SYNE2: variants seen among roughly 807,000 people sequenced by gnomAD.
The protein encoded by SYNE2 is nesprin-2.
In SYNE2, 431 loss-of-function variants were observed where a neutral mutation model predicts 856.3. That is an observed-to-expected ratio of 0.50 (90% CI 0.47 to 0.55). SYNE2 has a LOEUF of 0.55. SYNE2 is among the 20% of genes least tolerant of loss of function. SYNE2 has a pLI of 0.00. For synonymous variants in SYNE2, 2,923 were observed against 2,872.3 expected, an observed-to-expected ratio of 1.02 and a Z score of -0.56; for missense variants, 8,129 against 8,023.2, an observed-to-expected ratio of 1.01 and a Z score of -0.50.
intron 1 of SYNE2, among the ~76,000 whole-genome samples, chr14:63,903,982 C>A (rs1447648424): frequency 6.6e-6 from 1 of 152,116 alleles, no homozygotes; most frequent in Admixed American, 6.6e-5. Flanking sequence ...CCTCCCTTCA[C>A]CCCTCTGGAA....
In SYNE2 at chr14:64,137,865, G is replaced by A; in HGVS notation, c.14725G>A (p.Val4909Met). 6.2e-7 allele frequency: 1 copy of A among 1,614,230 alleles called. No homozygotes were observed. Among genetic ancestry groups the A allele is most frequent in the South Asian group, 1.1e-5 (1 of 91,086 alleles). Reference protein sequence around the residue: ...LNEGKQLVASVSCPELEGQIA... With the variant: ...LNEGKQLVASMSCPELEGQIA... ...CGAAGGCAAACAGTTGGTGGCGTCTGTGAGCTGTCCTGAATTAGAGGGCCA... is the reference window on the plus strand; with the variant it reads ...CGAAGGCAAACAGTTGGTGGCGTCTATGAGCTGTCCTGAATTAGAGGGCCA... The change falls in exon 79 of 116, where the codon GTG becomes ATG. Residue 4909 changes from valine (V) to methionine (M), a missense_variant. Val to Met is a conservative substitution (Grantham distance 21). This residue lies in a region of SYNE2 where 5,410 missense variants were observed against 5,284.8 expected (regional missense o/e 1.02). Transcript: ENST00000555002.
rs11334415 is a variant in SYNE2 at position 63,827,625 on chromosome 14, CAAAAAAAA to C, written c.-304-24852_-304-24845del. Among the ~76,000 whole-genome samples the C allele has an allele frequency of 8.8e-4, 25 of 28,402 alleles. No individual in the cohort carries two copies. The South Asian group carries it at 0.015, about 17-fold the overall frequency. The allele number at this position is 28,402 out of a possible 152,430, so 18.6% of individuals were successfully genotyped here. Reference sequence around the variant, plus strand: ...GGGCAACAAGATTGAAACTCTGTCTCAAAAAAAAAAAAAAAAAAAAAAAAAAAAAAAGA... The same window carrying C: ...GGGCAACAAGATTGAAACTCTGTCTCAAAAAAAAAAAAAAAAAAAAAAAGA... On this transcript the variant is annotated intron_variant, in intron 1 of 23. Transcript: ENST00000674003.
intron 1 of SYNE2, among the ~76,000 whole-genome samples, chr14:63,815,426 G>C (rs1458913516): frequency 6.6e-6 from 1 of 151,736 alleles, no homozygotes; most frequent in Non-Finnish European, 1.5e-5. Flanking sequence ...TAGGCTAGGA[G>C]GCTAGGCCAG....
intron 111 of SYNE2, among the ~76,000 whole-genome samples, chr14:64,221,363 C>T (rs958293811): frequency 1.3e-5 from 2 of 152,204 alleles, no homozygotes; most frequent in Non-Finnish European, 2.9e-5. Context: ...CACTTTTATT[C>T]GCGGCCTCCT....
At chr14:63,942,920 C>A (rs189507042) in intron 6 of SYNE2, among the ~76,000 whole-genome samples, 1 of 152,124 alleles carries the variant, frequency 6.6e-6, no homozygotes, top group Non-Finnish European at 1.5e-5. Flanking sequence ...CATGAGCCAC[C>A]GTGCCTGTCC....
chr14:64,180,704 A>AT (rs1296088713), intron 96 of SYNE2, among the ~76,000 whole-genome samples: 1 of 152,132 alleles, frequency 6.6e-6, no homozygotes, highest in Non-Finnish European at 1.5e-5. Context: ...GGGTTTCACC[A>AT]TGTTGGCCAG....
chr14:64,020,100 ATT>A lies in SYNE2; in HGVS notation c.5151+11_5151+12del. On this transcript the variant is annotated splice_region_variant and intron_variant, in intron 35 of 115. Transcript: ENST00000555002. ...AATACCTCTTGAATTGCAGGTAAGA[ATT>A]TTTATTTAAAAGTTTCAGTTATTGA... 1 of 1,592,436 alleles carries A rather than the reference ATT, an allele frequency of 6.3e-7. No individual in the cohort carries two copies. Among genetic ancestry groups the A allele is most frequent in the Non-Finnish European group, 8.6e-7 (1 of 1,161,700 alleles).
intron 96 of SYNE2, among the ~76,000 whole-genome samples, chr14:64,181,981 A>G (rs2098460212): frequency 1.3e-5 from 2 of 152,210 alleles, no homozygotes; most frequent in Admixed American, 1.3e-4. Flanking sequence ...CACAGAAGCA[A>G]TCAATGTTAC....
At position 63,906,044 on chromosome 14, in the gene SYNE2, T is replaced by G. The variant is rs1045140104; in HGVS notation, c.-51-3054T>G. 2.0e-5 allele frequency among the ~76,000 whole-genome samples: 3 copies of G among 152,200 alleles called. No individual in the cohort carries two copies. The East Asian group carries it at 5.8e-4, about 29-fold the overall frequency. ...TGTTGGATTATATAAAAAGTTTTTCTGTGTCTATTGAGATGACATATGGTT... is the reference window on the plus strand; with the variant it reads ...TGTTGGATTATATAAAAAGTTTTTCGGTGTCTATTGAGATGACATATGGTT... On this transcript the variant is annotated intron_variant, in intron 1 of 115. Coordinates refer to ENST00000555002, the MANE Select transcript of SYNE2 (RefSeq NM_182914.3).
At chr14:64,138,210 C>G (rs545725497) in intron 79 of SYNE2, among the ~76,000 whole-genome samples, 1 of 151,718 alleles carries the variant, frequency 6.6e-6, no homozygotes, top group Non-Finnish European at 1.5e-5. Flanking sequence ...TTTTTCTTTT[C>G]TTTTCTTTTC....
intron 96 of SYNE2, among the ~76,000 whole-genome samples, chr14:64,179,110 T>C (rs889271422): frequency 2.0e-5 from 3 of 152,166 alleles, no homozygotes; most frequent in Admixed American, 2.0e-4. Flanking sequence ...TTTAAAACTT[T>C]ATATAAGCAG....
In SYNE2 at chr14:64,141,472, A is replaced by G; in HGVS notation, c.15108A>G (p.Lys5036=). The change falls in exon 81 of 116, where the codon AAA becomes AAG. Residue 5036 remains lysine (K), a synonymous_variant. Transcript: ENST00000555002. ...LRASLAQFEQ[K]WTMLITQLPD... is the part of the protein sequence containing the mutation. ...CTTCTTTAGCACAGTTTGAACAAAA[A>G]TGGACAATGCTCATAACTCAACTTC... 1 of 1,614,134 alleles carries G rather than the reference A, an allele frequency of 6.2e-7. No homozygotes were observed. Among genetic ancestry groups the G allele is most frequent in the Admixed American group, 1.7e-5 (1 of 60,032 alleles).
chr14:63,810,861 G>A (rs1030311619), intron 1 of SYNE2, among the ~76,000 whole-genome samples: 1 of 152,180 alleles, frequency 6.6e-6, no homozygotes, highest in African/African-American at 2.4e-5. Flanking sequence ...TTAAGACAGA[G>A]TCTTGCTCTG....
At chr14:63,873,307 T>G (rs1326703717) in intron 1 of SYNE2, 1 of 151,906 alleles carries the variant, frequency 6.6e-6, no homozygotes, top group African/African-American at 2.4e-5. Flanking sequence ...CTTTTTTTTT[T>G]GATAAAGATT....
Position 64,052,301 on chromosome 14 carries a change from T to C in SYNE2, c.8388T>C (p.Leu2796=). ...AGGTCAAAGATAAGGTTCCTAGCCT[T>C]ACAACCTATGAGGGCAGTGATTTAA... ...AEEVKDKVPS[L]TTYEGSDLNN... The change falls in exon 48 of 116, where the codon CTT becomes CTC. Residue 2796 remains leucine (L), a synonymous_variant. Coordinates refer to ENST00000555002, the MANE Select transcript of SYNE2 (RefSeq NM_182914.3). 2 of 1,614,220 alleles carry C rather than the reference T, an allele frequency of 1.2e-6. No individual in the cohort carries two copies. The highest frequency in any genetic ancestry group is 1.7e-6 in the Non-Finnish European group (2 of 1,180,040).
At chr14:63,978,326 A>G (rs1449844511) in intron 13 of SYNE2, among the ~76,000 whole-genome samples, 2 of 152,156 alleles carry the variant, frequency 1.3e-5, no homozygotes, top group Non-Finnish European at 2.9e-5. Context: ...TAGGTTAATG[A>G]TAATTGCCCT....
At chr14:64,129,723 T>C in intron 74 of SYNE2, 59 bp from the exon 75 acceptor site, 2 of 1,610,192 alleles carry the variant, frequency 1.2e-6, no homozygotes, top group Non-Finnish European at 8.5e-7. Flanking sequence ...TTTAGATAAC[T>C]ATGTGTACTT....
At chr14:63,848,889 AT>A (rs1183732735), upstream of SYNE2, among the ~76,000 whole-genome samples, 1 of 152,066 alleles carries the variant, frequency 6.6e-6, no homozygotes, top group African/African-American at 2.4e-5. Flanking sequence ...CTTCCTTTTA[AT>A]TTTTCCTCAA....
Position 63,778,272 on chromosome 14 carries a change from C to T in SYNE2, c.-305+16286C>T, listed in dbSNP as rs897542191. ...TTGTAAGATGTGCCTGCTTCCCCTT[C>T]CTCTGCAATTGTAAGTTTCCTGAGG... On this transcript the variant is annotated intron_variant, in intron 1 of 23. Transcript: ENST00000674003. Among the ~76,000 whole-genome samples the T allele has an allele frequency of 2.6e-5, 4 of 152,272 alleles. No individual in the cohort carries two copies. In the East Asian group the frequency reaches 7.7e-4, roughly 29 times the overall value.
Sources: allele counts gnomAD v4.1 joint callset (sites outside exome capture counted in the v4.1 genomes callset), GRCh38; gene constraint gnomAD v4.1.1; regional missense constraint gnomAD v4.1.1; transcripts MANE v1.5; gene names NCBI Gene and HGNC (gene_info 2026-07-23, HGNC 2026-07-21).